TRPM6: variants seen among roughly 807,000 people sequenced by gnomAD.
TRPM6 encodes channel kinase 2.
Under a neutral mutation model 247.6 loss-of-function variants are expected in TRPM6, and 111 were observed. That is an observed-to-expected ratio of 0.45 (90% confidence interval 0.38 to 0.52). The LOEUF (loss-of-function observed/expected upper bound fraction) is 0.52. TRPM6 is among the 20% of genes least tolerant of loss of function. The probability of loss-of-function intolerance (pLI) is 0.00; values close to 1 mark genes in which losing one functional copy is unlikely to be tolerated. For missense variants in TRPM6, 2,126 were observed against 2,421.5 expected, an observed-to-expected ratio of 0.88 and a Z score of 2.56; for synonymous variants, 892 against 853.8, an observed-to-expected ratio of 1.04 and a Z score of -0.78.
chr9:74,784,801 C>G (rs1007013620), intron 21 of TRPM6, among the ~76,000 whole-genome samples: 1 of 152,126 alleles, frequency 6.6e-6, no homozygotes, highest in Non-Finnish European at 1.5e-5. Context: ...TGATCTTGCT[C>G]GCTGTGCTTC....
At chr9:74,853,259 C>T (rs1202882177) in intron 3 of TRPM6, among the ~76,000 whole-genome samples, 2 of 151,826 alleles carry the variant, frequency 1.3e-5, no homozygotes, top group Non-Finnish European at 2.9e-5. Context: ...GCCCGGCAGC[C>T]GCCCCGTCAG....
chr9:74,859,699 G>C (rs1830638493), intron 1 of TRPM6, among the ~76,000 whole-genome samples: 1 of 151,756 alleles, frequency 6.6e-6, no homozygotes, highest in African/African-American at 2.4e-5. Flanking sequence ...GCTTGAACCT[G>C]GCAGGCAGAG....
chr9:74,887,303 C>T, intron 1 of TRPM6: 1 of 1,370,652 alleles, frequency 7.3e-7, no homozygotes, highest in South Asian at 2.0e-5. Flanking sequence ...CGCAGGGGCG[C>T]GGAGGGACGG....
chr9:74,753,651 A>C (rs1210847429), intron 28 of TRPM6, among the ~76,000 whole-genome samples: 2 of 152,206 alleles, frequency 1.3e-5, no homozygotes, highest in Non-Finnish European at 2.9e-5. Context: ...AGCTGTGATC[A>C]CGTAACTATA....
At chr9:74,771,913 G>T in intron 24 of TRPM6, 78 bp from the exon 25 acceptor site, 1 of 1,334,196 alleles carries the variant, frequency 7.5e-7, no homozygotes, top group Non-Finnish European at 1.1e-6. Flanking sequence ...CACTTGTATT[G>T]AAAATGAGAA....
At chr9:74,831,699 GAAT>G (rs1194263253) in intron 6 of TRPM6, among the ~76,000 whole-genome samples, 6 of 152,132 alleles carry the variant, frequency 3.9e-5, no homozygotes, top group African/African-American at 1.4e-4. Flanking sequence ...ACATTATTAA[GAAT>G]AATAACTGTA....
chr9:74,792,634 C>G lies in TRPM6; in HGVS notation c.2528G>C (p.Trp843Ser), dbSNP rs1827946324. The G allele has an allele frequency of 6.2e-7, 1 of 1,613,852 alleles. No individual in the cohort carries two copies. Among genetic ancestry groups the G allele is most frequent in the Non-Finnish European group, 8.5e-7 (1 of 1,179,984 alleles). Residue 843 changes from tryptophan to serine, a missense_variant, in exon 19 of 39, where the codon TGG becomes TCG. By Grantham distance (177) the Trp-to-Ser change is radical. Around this residue, in one of 3 missense-constraint regions of TRPM6, gnomAD observed 1,082 missense variants for 1,307.9 expected, o/e 0.83. Transcript: ENST00000360774. ...TGCAATGAGACCAACCGTATAAAAC[C>G]AAAACTTGACAATTGGAGCACTGTA... ...EFYSAPIVKF[W>S]FYTMAYLAFL...
intron 11 of TRPM6, among the ~76,000 whole-genome samples, chr9:74,812,745 C>G (rs187576959): frequency 6.6e-6 from 1 of 152,108 alleles, no homozygotes; most frequent in Non-Finnish European, 1.5e-5. Context: ...CAAAAATTAG[C>G]CAGGCATAGT....
intron 11 of TRPM6, among the ~76,000 whole-genome samples, chr9:74,813,744 C>A (rs1287949745): frequency 6.6e-6 from 1 of 152,136 alleles, no homozygotes; most frequent in Non-Finnish European, 1.5e-5. Context: ...GCAGACAATC[C>A]AAGAAGAAGA....
At chr9:74,864,117 A>ATC (rs1176445479) in intron 1 of TRPM6, among the ~76,000 whole-genome samples, 3 of 149,492 alleles carry the variant, frequency 2.0e-5, no homozygotes, top group South Asian at 2.1e-4. Context: ...TCACTGGACC[A>ATC]TCTCTCTCTC....
chr9:74,852,803 C>T (rs1830379318), intron 3 of TRPM6, among the ~76,000 whole-genome samples: 1 of 152,172 alleles, frequency 6.6e-6, no homozygotes, highest in Non-Finnish European at 1.5e-5. Flanking sequence ...CTCAATGTTG[C>T]CCAGGCTGGA....
At chr9:74,782,968 G>A (rs912122554) in intron 21 of TRPM6, 115 bp from the exon 22 acceptor site, 5 of 994,844 alleles carry the variant, frequency 5.0e-6, no homozygotes, top group African/African-American at 1.6e-5. Context: ...TCTAGTCATT[G>A]ACTAAAACAC....
Position 74,792,742 on chromosome 9 carries a change from T to C in TRPM6, c.2420A>G (p.Asp807Gly). ...ATGCTGATTTTCATCCAGTTTCTCA[T>C]CATGGCCCCTTTCCAAATCATACTC... The part of the protein sequence containing the change: ...VKEYDLERGH[D>G]EKLDENQHFG... Residue 807 changes from aspartate (D) to glycine (G), a missense_variant, in exon 19 of 39, where the codon GAT becomes GGT. Asp to Gly is a moderately conservative substitution (Grantham distance 94). Transcript: ENST00000360774. The C allele has an allele frequency of 6.2e-7, 1 of 1,613,962 alleles. No homozygotes were observed. The highest frequency in any genetic ancestry group is 8.5e-7 in the Non-Finnish European group (1 of 1,179,850).
chr9:74,842,063 A>C, intron 4 of TRPM6, 103 bp downstream of exon 4: 1 of 1,311,680 alleles, frequency 7.6e-7, no homozygotes, highest in Non-Finnish European at 1.1e-6. Flanking sequence ...GTGCGCCGAG[A>C]TCGTGCCATT....
chr9:74,743,948 T>C, intron 32 of TRPM6, 147 bp downstream of exon 32: 1 of 791,068 alleles, frequency 1.3e-6, no homozygotes, highest in Non-Finnish European at 2.1e-6. Context: ...AGTTAGAAAT[T>C]GGAATGTTCT....
chr9:74,827,665 A>G (rs775112945), intron 7 of TRPM6, 113 bp downstream of exon 7: 10 of 1,107,212 alleles, frequency 9.0e-6, no homozygotes, highest in Middle Eastern at 1.9e-4. Context: ...AAGAGTATTA[A>G]GGAGGCTAGC....
chr9:74,877,745 C>G (rs183729629), intron 1 of TRPM6, among the ~76,000 whole-genome samples: 39 of 152,334 alleles, frequency 2.6e-4, no homozygotes, highest in Admixed American at 1.5e-3. Context: ...AAGCCACCAG[C>G]TGGAGCCAAG....
At chr9:74,737,368 T>A (rs915251477) in intron 36 of TRPM6, 2 of 1,288,978 alleles carry the variant, frequency 1.6e-6, no homozygotes, top group South Asian at 2.5e-5. Flanking sequence ...ACATTGCTCA[T>A]GATGCCCCAG....
intron 20 of TRPM6, among the ~76,000 whole-genome samples, chr9:74,786,636 A>G (rs1230461639): frequency 1.3e-5 from 2 of 152,100 alleles, no homozygotes; most frequent in Non-Finnish European, 2.9e-5. Context: ...GCTACTCGGG[A>G]GTCTGAGGCA....
Sources: allele counts gnomAD v4.1 joint callset (sites outside exome capture counted in the v4.1 genomes callset), GRCh38; gene constraint gnomAD v4.1.1; regional missense constraint gnomAD v4.1.1; transcripts MANE v1.5; gene names NCBI Gene and HGNC (gene_info 2026-07-23, HGNC 2026-07-21).